The following TRPM1 variants were observed in gnomAD, a reference collection of about 807,000 sequenced individuals.
TRPM1 encodes the protein transient receptor potential cation channel subfamily M member 1.
Under a neutral mutation model 149.4 loss-of-function variants are expected in TRPM1, and 113 were observed. The ratio of observed to expected loss-of-function variants is 0.76; its 90% CI spans 0.65 to 0.88. The LOEUF (loss-of-function observed/expected upper bound fraction) is 0.88. Among genes scored for constraint, TRPM1 ranks in the 40% least tolerant of loss-of-function variants. The pLI is 0.00. For synonymous variants in TRPM1, 741 were observed against 759.5 expected, an observed-to-expected ratio of 0.98 and a Z score of 0.40; for missense variants, 1,976 against 2,038.7, an observed-to-expected ratio of 0.97 and a Z score of 0.59.
At chr15:31,080,373 G>A (rs1434572155) in intron 2 of TRPM1, among the ~76,000 whole-genome samples, 1 of 152,160 alleles carries the variant, frequency 6.6e-6, no homozygotes, top group East Asian at 1.9e-4. Flanking sequence ...CGCCTGTCAT[G>A]GAACAAATAT....
intron 23 of TRPM1, among the ~76,000 whole-genome samples, chr15:31,030,430 G>A (rs1388779117): frequency 1.3e-5 from 2 of 152,206 alleles, no homozygotes; most frequent in Non-Finnish European, 2.9e-5. Context: ...AGCCTGCAGA[G>A]GAGCTGGGCC....
At chr15:31,076,877 A>G in intron 3 of TRPM1, 28 bp downstream of exon 3, 2 of 1,503,050 alleles carry the variant, frequency 1.3e-6, no homozygotes, top group Non-Finnish European at 1.9e-6. Context: ...TGGTTTGGAT[A>G]ATGTCTTAAT....
Position 31,070,250 on chromosome 15 carries a change from T to C in TRPM1, c.84-24A>G, listed in dbSNP as rs1323191557. On this transcript the variant is annotated intron_variant, in intron 3 of 27. Coordinates refer to ENST00000256552, the MANE Select transcript of TRPM1 (RefSeq NM_001252024.2). ...ACCTGAAAACAAAGGCAAAGCAGGG[T>C]CTTTCTACAACAATCTCCCCCTTTC... is the stretch of plus-strand genomic sequence containing the variant. 4.4e-6 allele frequency: 7 copies of C among 1,595,552 alleles called. No individual in the cohort carries two copies. In the African/African-American group the frequency reaches 9.4e-5, roughly 21 times the overall value.
intron 1 of TRPM1, among the ~76,000 whole-genome samples, chr15:31,159,817 G>A (rs1453511440): frequency 6.6e-6 from 1 of 152,134 alleles, no homozygotes; most frequent in Non-Finnish European, 1.5e-5. Context: ...TTCCCGCCTA[G>A]GGCTCTGTTT....
Position 31,160,874 on chromosome 15 carries a change from C to A in TRPM1, c.54+32G>T, listed in dbSNP as rs1596110139. The stretch of plus-strand genomic sequence containing the variant: ...AGTGTCCCTCTGCCCTTCCGCCCAG[C>A]TGCCCGCAGGCCACTGGCAAAGCTC... On this transcript the variant is annotated intron_variant, in intron 1 of 26. Transcript: ENST00000542188. The A allele has an allele frequency of 4.6e-6, 7 of 1,534,222 alleles. No homozygotes were observed. The East Asian group carries it at 1.7e-4, about 37-fold the overall frequency.
In TRPM1 at chr15:31,028,383, T is replaced by C; in HGVS notation, c.3242A>G (p.Tyr1081Cys). The change falls in exon 25 of 28, where the codon TAT becomes TGT. Residue 1081 changes from tyrosine to cysteine, a missense_variant. Transcript: ENST00000256552. The stretch of plus-strand genomic sequence containing the variant: ...CAGCAGGATGTTGGCGACCAGTAGA[T>C]AGCACGCCATGAGTGCTGGAGTGAG... ...AWLTPALMAC[Y>C]LLVANILLVN... 2 of 1,614,076 alleles carry C rather than the reference T, an allele frequency of 1.2e-6. No homozygotes were observed. Among genetic ancestry groups the C allele is most frequent in the East Asian group, 2.2e-5 (1 of 44,878 alleles).
At chr15:31,032,618 C>T in intron 22 of TRPM1, 71 bp downstream of exon 22, 1 of 1,590,350 alleles carries the variant, frequency 6.3e-7, no homozygotes, top group East Asian at 2.2e-5. Flanking sequence ...GGAAGCCATG[C>T]CCAAGGCCTG....
chr15:31,002,350 C>G lies in TRPM1; in HGVS notation c.4350G>C (p.Thr1450=). ...TKITRYFPDE[T]INACKTMKSR... is the part of the protein sequence containing the mutation. ...ACTTCATTGTTTTACAAGCATTGAT[C>G]GTTTCATCGGGGAAATAGCGTGTAA... Residue 1450 remains threonine, a synonymous_variant, in exon 28 of 28, where the codon ACG becomes ACC. Transcript: ENST00000256552. 1.2e-6 allele frequency: 2 copies of G among 1,614,204 alleles called. No homozygotes were observed. The highest frequency in any genetic ancestry group is 1.7e-6 in the Non-Finnish European group (2 of 1,180,038).
intron 7 of TRPM1, chr15:31,064,911 G>A (rs1376698876): frequency 2.8e-5 from 12 of 429,632 alleles, no homozygotes; most frequent in Non-Finnish European, 5.3e-5. Flanking sequence ...CCGCCTTTGA[G>A]ATTTCCAACC....
At position 31,035,603 on chromosome 15, in the gene TRPM1, G is replaced by C; in HGVS notation, c.2643C>G (p.Leu881=). 6.2e-7 allele frequency: 1 copy of C among 1,614,206 alleles called. No homozygotes were observed. The highest frequency in any genetic ancestry group is 8.5e-7 in the Non-Finnish European group (1 of 1,180,040). ...TGTAGGAGATGACGATCCACTCCTG[G>C]AGGGACGGCCAGCCATCCATCCGCA... The part of the protein sequence containing the change: ...ILVRMDGWPS[L]QEWIVISYIV... The change falls in exon 21 of 28, where the codon CTC becomes CTG. Residue 881 remains leucine (L), a synonymous_variant. Coordinates refer to ENST00000256552, the MANE Select transcript of TRPM1 (RefSeq NM_001252024.2).
intron 3 of TRPM1, among the ~76,000 whole-genome samples, chr15:31,074,980 AT>A (rs1345916022): frequency 6.6e-6 from 1 of 151,758 alleles, no homozygotes; most frequent in Non-Finnish European, 1.5e-5. Context: ...TGAGTTTCCA[AT>A]TTTTTTCCTC....
intron 10 of TRPM1, 58 bp from the exon 11 acceptor site, chr15:31,060,702 G>A: frequency 7.0e-7 from 1 of 1,428,150 alleles, no homozygotes; most frequent in Non-Finnish European, 9.8e-7. Context: ...GCCAGGGTTT[G>A]GCAGGTGCTG....
intron 3 of TRPM1, 153 bp from the exon 4 acceptor site, chr15:31,070,379 C>A (rs2034506859): frequency 1.3e-6 from 1 of 755,020 alleles, no homozygotes; most frequent in East Asian, 2.6e-5. Context: ...AGAAATGCCC[C>A]ATCTGATGGC....
At chr15:31,076,787 C>T in intron 3 of TRPM1, 118 bp downstream of exon 3, 1 of 814,644 alleles carries the variant, frequency 1.2e-6, no homozygotes, top group South Asian at 1.4e-5. Context: ...TAGTGACTCC[C>T]ATGGGGAATG....
intron 11 of TRPM1, among the ~76,000 whole-genome samples, chr15:31,051,720 T>C (rs1329604121): frequency 6.6e-6 from 1 of 152,218 alleles, no homozygotes; most frequent in Non-Finnish European, 1.5e-5. Context: ...TCACCACTGA[T>C]TGGCATACAA....
intron 1 of TRPM1, among the ~76,000 whole-genome samples, chr15:31,112,005 AT>A (rs1209124771): frequency 2.0e-5 from 3 of 152,182 alleles, no homozygotes; most frequent in Admixed American, 2.0e-4. Flanking sequence ...AAGACTTCGC[AT>A]TTTTATCTTT....
chr15:31,001,811 A>T lies in TRPM1; in HGVS notation c.*11T>A. ...GACTGTTAAAAAAAAAAATTAAAGA[A>T]ACAAAACAGACTAGCATTCAGTTTC... On this transcript the variant is annotated 3_prime_UTR_variant, in exon 28 of 28. Transcript: ENST00000256552. The T allele has an allele frequency of 6.2e-7, 1 of 1,606,942 alleles. No homozygotes were observed. Among genetic ancestry groups the T allele is most frequent in the Non-Finnish European group, 8.5e-7 (1 of 1,179,378 alleles).
At chr15:31,012,727 A>G (rs1382135426) in intron 27 of TRPM1, among the ~76,000 whole-genome samples, 2 of 151,958 alleles carry the variant, frequency 1.3e-5, no homozygotes, top group African/African-American at 4.8e-5. Context: ...CTCTCTTTCT[A>G]TAACTCTCAT....
chr15:31,088,973 A>G (rs2035120162), intron 1 of TRPM1, among the ~76,000 whole-genome samples: 2 of 152,202 alleles, frequency 1.3e-5, no homozygotes, highest in East Asian at 1.9e-4. Flanking sequence ...GGCTCCCAGC[A>G]CTTTCTTGGC....
Sources: allele counts gnomAD v4.1 joint callset (sites outside exome capture counted in the v4.1 genomes callset), GRCh38; gene constraint gnomAD v4.1.1; transcripts MANE v1.5; gene names NCBI Gene and HGNC (gene_info 2026-07-23, HGNC 2026-07-21).